The following ZNF790 variants were observed in gnomAD, a reference collection of about 807,000 sequenced individuals.
ZNF790 encodes zinc finger protein 790.
A neutral mutation model predicts 12.1 loss-of-function variants in ZNF790; 8 were observed. The ratio of observed to expected loss-of-function variants is 0.66; its 90% CI spans 0.39 to 1.19. The LOEUF is 1.19. ZNF790 is among the 50% of genes most tolerant of loss of function. ZNF790 has a pLI of 0.01. For synonymous variants in ZNF790, 252 were observed against 244.3 expected (o/e 1.03, Z -0.29); for missense variants, 707 against 752.2 (o/e 0.94, Z 0.70).
intron 1 of ZNF790, among the ~76,000 whole-genome samples, chr19:36,829,318 T>A (rs1208483209): frequency 2.0e-5 from 3 of 152,334 alleles, no homozygotes; most frequent in Middle Eastern, 3.4e-3. Context: ...TAGCCTCAAA[T>A]AATGACTAAT....
chr19:36,835,721 T>A (rs1458791277), intron 1 of ZNF790, among the ~76,000 whole-genome samples: 1 of 151,816 alleles, frequency 6.6e-6, no homozygotes, highest in Non-Finnish European at 1.5e-5. Context: ...TTCTGGAAGC[T>A]CCAGGGGAGA....
chr19:36,833,465 T>C (rs1328645922), intron 1 of ZNF790, among the ~76,000 whole-genome samples: 1 of 152,162 alleles, frequency 6.6e-6, no homozygotes, highest in Non-Finnish European at 1.5e-5. Context: ...TTATATTAAT[T>C]ACTACAAATA....
In ZNF790 at chr19:36,819,992, T is replaced by G; in HGVS notation, c.352A>C (p.Arg118=). 1 of 1,614,094 alleles carries G rather than the reference T, an allele frequency of 6.2e-7. No individual in the cohort carries two copies. Among genetic ancestry groups the G allele is most frequent in the South Asian group, 1.1e-5 (1 of 91,086 alleles). Residue 118 remains arginine (R), a synonymous_variant, in exon 5 of 5, where the codon AGA becomes CGA. Transcript: ENST00000356725. ...TGAGTGTTGCCTTCCCAGTCACCTC[T>G]AAAACATAAACAGTCAAGGCTGTGG... ...KNHSLDCLCF[R]GDWEGNTQFQ... is the part of the protein sequence containing the mutation.
chr19:36,832,543 T>C (rs1211868122), intron 1 of ZNF790, among the ~76,000 whole-genome samples: 1 of 152,122 alleles, frequency 6.6e-6, no homozygotes, highest in Non-Finnish European at 1.5e-5. Context: ...CTGAAGTCTA[T>C]TGCCAATAGC....
rs906078301 is a variant in ZNF790, at chr19:36,825,558, CAT to C, written c.9+51_9+52del. ...TAAGGATAAGCAATAAAAATATTCA[CAT>C]GATTTGATATAAATGGGTTATATTT... On this transcript the variant is annotated intron_variant, in intron 2 of 4. Transcript: ENST00000356725. 2.5e-5 allele frequency: 40 copies of C among 1,572,240 alleles called. No individual in the cohort carries two copies. In the African/African-American group the frequency reaches 5.0e-4, roughly 20 times the overall value.
In ZNF790 at chr19:36,819,049, G is replaced by A. The variant is rs1165763812; in HGVS notation, c.1295C>T (p.Thr432Ile). ...YECKQCGKTF[T>I]WASYLAQHEK... Reference sequence around the variant, plus strand: ...ATGTTGAGCAAGATACGAAGCCCAAGTAAAAGTCTTCCCGCATTGCTTACA... The same window carrying A: ...ATGTTGAGCAAGATACGAAGCCCAAATAAAAGTCTTCCCGCATTGCTTACA... Residue 432 changes from threonine to isoleucine, a missense_variant, in exon 5 of 5, where the codon ACT becomes ATT. By Grantham distance (89) the Thr-to-Ile change is moderately conservative (BLOSUM62 -1). Coordinates refer to ENST00000356725, the MANE Select transcript of ZNF790 (RefSeq NM_206894.4). 1 of 1,613,952 alleles carries A rather than the reference G, an allele frequency of 6.2e-7. No individual in the cohort carries two copies. Among genetic ancestry groups the A allele is most frequent in the Non-Finnish European group, 8.5e-7 (1 of 1,179,998 alleles).
chr19:36,826,624 A>AT lies in ZNF790; in HGVS notation c.-73-933_-73-932insA, dbSNP rs1568337640. Among the ~76,000 whole-genome samples the AT allele has an allele frequency of 2.5e-3, 367 of 144,840 alleles. 13 individuals are homozygous for AT. In the South Asian group the frequency reaches 0.055, roughly 22 times the overall value. The stretch of plus-strand genomic sequence containing the variant: ...TATAGATAATTTTATAATTATCTAT[A>AT]ATTATATATATAATAAAAATTATAT... On this transcript the variant is annotated intron_variant, in intron 1 of 4. Transcript: ENST00000356725.
intron 2 of ZNF790, among the ~76,000 whole-genome samples, chr19:36,824,020 AGAG>A: frequency 9.6e-6 from 1 of 104,088 alleles, no homozygotes; most frequent in East Asian, 2.2e-4. Context: ...TTTTGAGACA[AGAG>A]TCTCGCTCTG....
At chr19:36,838,389 C>T (rs1272785910), upstream of ZNF790, 2 of 152,332 alleles carry the variant, frequency 1.3e-5, no homozygotes, top group Non-Finnish European at 2.9e-5. This position sits in a 1 kb window ranked among gnomAD's most constrained non-coding sequence, Gnocchi z 4.4. Flanking sequence ...TCTATTAACC[C>T]TAAAGGGACA....
At chr19:36,836,617 C>T (rs1394492230) in intron 1 of ZNF790, among the ~76,000 whole-genome samples, 1 of 152,094 alleles carries the variant, frequency 6.6e-6, no homozygotes, top group South Asian at 2.1e-4. Flanking sequence ...GTTAGCTGGG[C>T]GTGGTGGCAC....
intron 1 of ZNF790, among the ~76,000 whole-genome samples, chr19:36,846,609 A>T (rs2072183548): frequency 6.6e-6 from 1 of 152,162 alleles, no homozygotes; most frequent in African/African-American, 2.4e-5. Context: ...GAAGAAATAC[A>T]ATGGTTGACA....
intron 2 of ZNF790, among the ~76,000 whole-genome samples, chr19:36,824,817 A>G (rs922496336): frequency 6.6e-6 from 1 of 152,178 alleles, no homozygotes; most frequent in Non-Finnish European, 1.5e-5. Context: ...AGACTTGTGC[A>G]TACAGAGCCT....
At chr19:36,848,659 T>C (rs985617278) in intron 1 of ZNF790, among the ~76,000 whole-genome samples, 1 of 152,104 alleles carries the variant, frequency 6.6e-6, no homozygotes, top group African/African-American at 2.4e-5. Context: ...TTGTTTGTTG[T>C]ATTTTGTTTT....
Position 36,838,055 on chromosome 19 carries a change from TAGTC to T in ZNF790, c.-74+278_-74+281del, listed in dbSNP as rs1164560068. On this transcript the variant is annotated intron_variant, in intron 1 of 4. Transcript: ENST00000356725. This position sits in a 1 kb window ranked among gnomAD's most constrained non-coding sequence, Gnocchi z 4.4. ...TCACGTACATACAGTCACATTTAAA[TAGTC>T]CATTAGGGTCACACACAGCGCCTGT... 2.6e-5 allele frequency: 4 copies of T among 152,264 alleles called. No individual in the cohort carries two copies. The highest frequency in any genetic ancestry group is 5.9e-5 in the Non-Finnish European group (4 of 68,174). 9.4% of individuals were successfully genotyped at this position (152,264 alleles called of 1,614,324 possible).
intron 1 of ZNF790, among the ~76,000 whole-genome samples, chr19:36,849,550 T>C (rs2072220677): frequency 6.6e-6 from 1 of 152,106 alleles, no homozygotes; most frequent in African/African-American, 2.4e-5. Flanking sequence ...ACTGATTTTG[T>C]ACTCTAGTTC....
chr19:36,840,701 C>A (rs1347000859), upstream of ZNF790, among the ~76,000 whole-genome samples: 1 of 152,182 alleles, frequency 6.6e-6, no homozygotes, highest in Non-Finnish European at 1.5e-5. Context: ...AGACTAACCT[C>A]GCATATCAGG....
upstream of ZNF790, among the ~76,000 whole-genome samples, chr19:36,841,109 G>A (rs2072126263): frequency 6.6e-6 from 1 of 152,142 alleles, no homozygotes; most frequent in Non-Finnish European, 1.5e-5. Context: ...TGTTCTCCAG[G>A]AGATATACAG....
In ZNF790 at chr19:36,819,328, T is replaced by G. The variant is rs1436544490; in HGVS notation, c.1016A>C (p.Glu339Ala). The G allele has an allele frequency of 6.2e-7, 1 of 1,612,068 alleles. No homozygotes were observed. Among genetic ancestry groups the G allele is most frequent in the Non-Finnish European group, 8.5e-7 (1 of 1,178,820 alleles). ...AAAAGCTTTCCCACACTCCTTACAT[T>G]CATAAGGTTTTTCACCAGTGTGAAT... ...QRIHTGEKPY[E>A]CKECGKAFTR... The change falls in exon 5 of 5, where the codon GAA (glutamate) becomes GCA (alanine). Residue 339 changes from glutamate to alanine, a missense_variant. Physicochemically the swap from Glu to Ala is moderately radical, Grantham distance 107. Coordinates refer to ENST00000356725, the MANE Select transcript of ZNF790 (RefSeq NM_206894.4).
chr19:36,826,482 C>G (rs1386100841), intron 1 of ZNF790, among the ~76,000 whole-genome samples: 1 of 151,108 alleles, frequency 6.6e-6, no homozygotes, highest in South Asian at 2.1e-4. Flanking sequence ...ATTCGGGAGG[C>G]TGAGGCAGGA....
Sources: allele counts gnomAD v4.1 joint callset (sites outside exome capture counted in the v4.1 genomes callset), GRCh38; gene constraint gnomAD v4.1.1; non-coding constraint Gnocchi (gnomAD v3.1); transcripts MANE v1.5; gene names NCBI Gene and HGNC (gene_info 2026-07-23, HGNC 2026-07-21).